TBC1D14: variants seen among roughly 807,000 people sequenced by gnomAD.
TBC1D14 encodes the protein TBC1 domain family, member 14.
Under a neutral mutation model 79.0 loss-of-function variants are expected in TBC1D14, and 26 were observed. That is an observed-to-expected ratio of 0.33 (90% confidence interval 0.24 to 0.46). The LOEUF (loss-of-function observed/expected upper bound fraction) is 0.46, where lower values mean the gene tolerates loss of function less well. Among genes scored for constraint, TBC1D14 ranks in the 20% least tolerant of loss-of-function variants. The probability of loss-of-function intolerance (pLI) is 1.00; values close to 1 mark genes in which losing one functional copy is unlikely to be tolerated. For missense variants in TBC1D14, 769 were observed against 887.6 expected, an observed-to-expected ratio of 0.87 and a Z score of 1.70; for synonymous variants, 394 against 349.9, an observed-to-expected ratio of 1.13 and a Z score of -1.40.
chr4:6,963,933 G>T (rs1424456882), intron 2 of TBC1D14, among the ~76,000 whole-genome samples: 1 of 152,064 alleles, frequency 6.6e-6, no homozygotes, highest in African/African-American at 2.4e-5. Context: ...GAGTAGCTGG[G>T]ATTACAGGCG....
At chr4:6,951,564 T>C (rs1714042455) in intron 2 of TBC1D14, among the ~76,000 whole-genome samples, 1 of 152,180 alleles carries the variant, frequency 6.6e-6, no homozygotes, top group Non-Finnish European at 1.5e-5. Context: ...TAAAAATGTG[T>C]TCATGTACTC....
At chr4:7,024,973 A>C (rs747202408) in intron 12 of TBC1D14, 31 bp from the exon 13 acceptor site, 1 of 1,609,798 alleles carries the variant, frequency 6.2e-7, no homozygotes, top group East Asian at 2.2e-5. Context: ...AGAGATTCAA[A>C]ATCTGAAAAA....
chr4:7,001,500 A>G, intron 7 of TBC1D14: 1 of 437,306 alleles, frequency 2.3e-6, no homozygotes, highest in Non-Finnish European at 4.2e-6. Flanking sequence ...GGCTTAGAGC[A>G]TCGGGGAGGT....
At chr4:6,954,962 G>T (rs1714489368) in intron 2 of TBC1D14, among the ~76,000 whole-genome samples, 1 of 152,270 alleles carries the variant, frequency 6.6e-6, no homozygotes, top group Non-Finnish European at 1.5e-5. Flanking sequence ...AAGAAGAGTG[G>T]CTCCAAGTAT....
chr4:6,923,862 G>C lies in TBC1D14; in HGVS notation c.473G>C (p.Ser158Thr), dbSNP rs1724063624. The C allele has an allele frequency of 1.2e-6, 2 of 1,614,070 alleles. No homozygotes were observed. Among genetic ancestry groups the C allele is most frequent in the Admixed American group, 1.7e-5 (1 of 60,006 alleles). ...LTRSDDVSVC[S>T]VSSLGTELST... ...CGCAGCGATGATGTCTCCGTCTGCA[G>C]CGTGTCCAGTCTTGGGACAGAGCTG... The change falls in exon 2 of 14, where the codon AGC becomes ACC. Residue 158 changes from serine (S) to threonine (T), a missense_variant. By Grantham distance (58) the Ser-to-Thr change is moderately conservative. Transcript: ENST00000409757.
intron 2 of TBC1D14, among the ~76,000 whole-genome samples, chr4:6,943,284 G>T (rs1481070717): frequency 6.6e-6 from 1 of 152,222 alleles, no homozygotes; most frequent in East Asian, 1.9e-4. Context: ...CGAGGAAATG[G>T]GTTTGGTGAA....
chr4:7,029,802 G>A (rs1042415886), intron 13 of TBC1D14, among the ~76,000 whole-genome samples: 1 of 152,206 alleles, frequency 6.6e-6, no homozygotes, highest in African/African-American at 2.4e-5. Context: ...TCCAGCCTGG[G>A]TGACAGAGCG....
intron 4 of TBC1D14, chr4:6,995,456 G>A (rs1206303392): frequency 6.6e-6 from 1 of 151,962 alleles, no homozygotes; most frequent in Non-Finnish European, 1.5e-5. Flanking sequence ...GTTTATCACT[G>A]TTGCAGTTAT....
chr4:6,977,888 C>T (rs568016486), intron 3 of TBC1D14, among the ~76,000 whole-genome samples: 4 of 151,514 alleles, frequency 2.6e-5, no homozygotes, highest in Admixed American at 2.6e-4. Flanking sequence ...CGCCTCTGCC[C>T]TGCCGCCCCG....
chr4:6,983,113 CCT>C (rs926315759), intron 3 of TBC1D14, among the ~76,000 whole-genome samples: 19 of 151,996 alleles, frequency 1.3e-4, no homozygotes, highest in Admixed American at 3.9e-4. Context: ...ACCTCTGCCT[CCT>C]GGGTTCAAGC....
intron 5 of TBC1D14, chr4:6,997,007 A>G (rs903954187): frequency 2.6e-5 from 4 of 152,278 alleles, no homozygotes; most frequent in Admixed American, 6.5e-5. Context: ...AAAAATATAT[A>G]ACATGGATGT....
intron 2 of TBC1D14, among the ~76,000 whole-genome samples, chr4:6,944,137 T>G (rs1713197987): frequency 6.6e-6 from 1 of 152,202 alleles, no homozygotes. Flanking sequence ...GTCGTTCTAT[T>G]TTTGTCCTTT....
In TBC1D14 at chr4:6,999,275, C is replaced by T. The variant is rs559041549; in HGVS notation, c.1163+73C>T. On this transcript the variant is annotated intron_variant, in intron 6 of 13. Coordinates refer to ENST00000409757, the MANE Select transcript of TBC1D14 (RefSeq NM_020773.3). ...AGAATCTGTGGGCCACAGCTGTAGT[C>T]GTCATAGCCAGCAGTGACACCCTGG... is the stretch of plus-strand genomic sequence containing the variant. The T allele has an allele frequency of 5.2e-5, 70 of 1,340,142 alleles. No individual in the cohort carries two copies. The African/African-American group carries it at 7.5e-4, about 14-fold the overall frequency. 83.0% of individuals were successfully genotyped at this position (1,340,142 alleles called of 1,614,324 possible).
chr4:6,920,627 G>C (rs925975217), intron 1 of TBC1D14, among the ~76,000 whole-genome samples: 1 of 152,132 alleles, frequency 6.6e-6, no homozygotes, highest in African/African-American at 2.4e-5. Flanking sequence ...TACCAACAAA[G>C]TGCCTGTTGG....
intron 9 of TBC1D14, 104 bp from the exon 10 acceptor site, chr4:7,009,772 TG>T: frequency 8.8e-7 from 1 of 1,134,588 alleles, no homozygotes; most frequent in Non-Finnish European, 1.3e-6. Context: ...TTCATAATGC[TG>T]AAAATAGCAG....
chr4:6,929,083 G>T (rs4290891), intron 2 of TBC1D14, among the ~76,000 whole-genome samples: 1 of 151,924 alleles, frequency 6.6e-6, no homozygotes, highest in Non-Finnish European at 1.5e-5. Context: ...ACCTGCTATG[G>T]ACCTGCATTG....
At chr4:7,027,408 C>T (rs1722498713) in intron 13 of TBC1D14, among the ~76,000 whole-genome samples, 1 of 136,680 alleles carries the variant, frequency 7.3e-6, no homozygotes, top group Non-Finnish European at 1.6e-5. Context: ...ACACAATCAC[C>T]CCCCACACAC....
chr4:6,960,464 G>C (rs537849872), intron 2 of TBC1D14, among the ~76,000 whole-genome samples: 1 of 152,186 alleles, frequency 6.6e-6, no homozygotes, highest in African/African-American at 2.4e-5. Flanking sequence ...TGTTCTTCCA[G>C]AGAGTCTGTG....
intron 3 of TBC1D14, among the ~76,000 whole-genome samples, chr4:6,989,280 C>G (rs1347251844): frequency 6.6e-6 from 1 of 152,124 alleles, no homozygotes; most frequent in African/African-American, 2.4e-5. Context: ...GCTCTCCTCT[C>G]TCTCCTGGGG....
Sources: allele counts gnomAD v4.1 joint callset (sites outside exome capture counted in the v4.1 genomes callset), GRCh38; gene constraint gnomAD v4.1.1; transcripts MANE v1.5; gene names NCBI Gene and HGNC (gene_info 2026-07-23, HGNC 2026-07-21).